The following CPNE8 variants were observed in gnomAD, a reference collection of about 807,000 sequenced individuals.
CPNE8 encodes the protein copine-8.
CPNE8 carries 45 observed loss-of-function variants against 81.5 expected under a neutral mutation model. The observed-to-expected ratio is 0.55, with a 90% CI of 0.44 to 0.71. The LOEUF is 0.71. Ranked by LOEUF, CPNE8 falls within the 30% of genes least tolerant of loss-of-function variation. CPNE8 has a pLI of 0.00. For synonymous variants in CPNE8, 252 were observed against 226.3 expected, an observed-to-expected ratio of 1.11 and a Z score of -1.02; for missense variants, 594 against 672.1, an observed-to-expected ratio of 0.88 and a Z score of 1.28.
At chr12:38,759,343 C>T (rs150118346) in intron 10 of CPNE8, among the ~76,000 whole-genome samples, 1,634 of 152,268 alleles carry the variant, frequency 0.011, 32 homozygotes, top group African/African-American at 0.036. Context: ...AAGTCCTTTA[C>T]TCAGATTGGC....
rs557074599 is a variant in CPNE8, at chr12:38,823,948, G to A, written c.407+5431C>T. Among the ~76,000 whole-genome samples the A allele has an allele frequency of 7.2e-5, 11 of 152,238 alleles. No homozygotes were observed. The South Asian group carries it at 1.2e-3, about 17-fold the overall frequency. ...ATGGGATGATCTAAAGAGAGGAGCC[G>A]ATGAGTCATAGGAAGCACAGTAAAT... On this transcript the variant is annotated intron_variant, in intron 6 of 19. Transcript: ENST00000331366.
chr12:38,793,185 C>T (rs1032238241), intron 6 of CPNE8, among the ~76,000 whole-genome samples: 1 of 142,472 alleles, frequency 7.0e-6, no homozygotes, highest in Non-Finnish European at 1.5e-5. Flanking sequence ...TGCCCACTCT[C>T]CCACTTCTAT....
intron 6 of CPNE8, among the ~76,000 whole-genome samples, chr12:38,812,471 A>T (rs974339456): frequency 6.6e-5 from 10 of 152,160 alleles, no homozygotes; most frequent in Admixed American, 4.6e-4. Flanking sequence ...GTGCCAAGGA[A>T]AAAAAGGAAA....
intron 19 of CPNE8, among the ~76,000 whole-genome samples, chr12:38,666,292 C>T (rs187947023): frequency 1.3e-5 from 2 of 152,100 alleles, no homozygotes; most frequent in African/African-American, 4.8e-5. Context: ...AGGAGTAACA[C>T]AGGTTTTAGA....
At chr12:38,710,763 T>C (rs1196069801) in intron 13 of CPNE8, among the ~76,000 whole-genome samples, 1 of 152,200 alleles carries the variant, frequency 6.6e-6, no homozygotes, top group East Asian at 1.9e-4. Flanking sequence ...CTGTAACCAG[T>C]ACAGGCAGTA....
chr12:38,667,849 G>A (rs1263903098), intron 19 of CPNE8, among the ~76,000 whole-genome samples: 1 of 151,944 alleles, frequency 6.6e-6, no homozygotes, highest in Non-Finnish European at 1.5e-5. Context: ...CCAGGCTGGA[G>A]TGCAATGGTA....
At chr12:38,738,599 A>G (rs1941007674) in intron 10 of CPNE8, among the ~76,000 whole-genome samples, 1 of 152,162 alleles carries the variant, frequency 6.6e-6, no homozygotes, top group African/African-American at 2.4e-5. Context: ...TAAAGCTGAC[A>G]GTGTACTGTA....
chr12:38,899,237 G>A (rs1944427149), intron 1 of CPNE8, among the ~76,000 whole-genome samples: 1 of 152,142 alleles, frequency 6.6e-6, no homozygotes, highest in South Asian at 2.1e-4. Flanking sequence ...TTAGGAGGTA[G>A]GGCCTTTGGG....
chr12:38,847,381 G>A (rs1409828947), intron 4 of CPNE8, among the ~76,000 whole-genome samples: 1 of 152,104 alleles, frequency 6.6e-6, no homozygotes, highest in Admixed American at 6.5e-5. Context: ...CCAAGGCCCA[G>A]AATAATGGGA....
chr12:38,761,045 A>G (rs984927819), intron 9 of CPNE8, among the ~76,000 whole-genome samples, 157 bp from the exon 10 acceptor site: 2 of 152,238 alleles, frequency 1.3e-5, no homozygotes, highest in Non-Finnish European at 1.5e-5. Context: ...TTTCATTACT[A>G]TAATCCAATT....
chr12:38,682,296 G>A (rs767741002), intron 16 of CPNE8, among the ~76,000 whole-genome samples: 7 of 152,172 alleles, frequency 4.6e-5, no homozygotes, highest in East Asian at 3.9e-4. Context: ...GGTGGCTTAC[G>A]CCTATAATCC....
At chr12:38,868,083 G>A (rs1404252227) in intron 3 of CPNE8, among the ~76,000 whole-genome samples, 2 of 151,610 alleles carry the variant, frequency 1.3e-5, no homozygotes, top group Non-Finnish European at 2.9e-5. Flanking sequence ...AATTCATATG[G>A]CTTGTTATAT....
At chr12:38,848,491 C>T (rs549475861) in intron 4 of CPNE8, 68 bp downstream of exon 4, 1 of 1,476,384 alleles carries the variant, frequency 6.8e-7, no homozygotes, top group African/African-American at 1.5e-5. Context: ...CCATAGGACC[C>T]TGCCTTACAT....
intron 13 of CPNE8, among the ~76,000 whole-genome samples, chr12:38,717,833 G>GA (rs751979568): frequency 2.0e-5 from 3 of 150,366 alleles, no homozygotes; most frequent in Non-Finnish European, 4.4e-5. Context: ...CTGGAAGTCA[G>GA]AAAAAAAAAG....
chr12:38,861,302 C>T (rs1490376633), intron 3 of CPNE8, among the ~76,000 whole-genome samples: 1 of 152,074 alleles, frequency 6.6e-6, no homozygotes, highest in East Asian at 1.9e-4. Context: ...AGTAAGTTCA[C>T]TGCCAATAGT....
At chr12:38,725,986 C>T (rs1940687438) in intron 11 of CPNE8, among the ~76,000 whole-genome samples, 1 of 152,102 alleles carries the variant, frequency 6.6e-6, no homozygotes, top group African/African-American at 2.4e-5. Flanking sequence ...TACTGTTCTA[C>T]CTCAGATCAT....
chr12:38,840,978 A>T (rs1462808804), intron 4 of CPNE8, among the ~76,000 whole-genome samples: 1 of 152,202 alleles, frequency 6.6e-6, no homozygotes, highest in Non-Finnish European at 1.5e-5. Context: ...TCTTGTGAAT[A>T]ACCTCCTACC....
chr12:38,743,163 C>T (rs1941148824), intron 10 of CPNE8, among the ~76,000 whole-genome samples: 1 of 151,794 alleles, frequency 6.6e-6, no homozygotes, highest in African/African-American at 2.4e-5. Flanking sequence ...AAAGCAAACC[C>T]GTTTATGACC....
chr12:38,893,496 T>A, intron 1 of CPNE8, among the ~76,000 whole-genome samples: 1 of 152,264 alleles, frequency 6.6e-6, no homozygotes, highest in East Asian at 1.9e-4. Flanking sequence ...GAGGCATGAA[T>A]AATCCACCCT....
Sources: allele counts gnomAD v4.1 joint callset (sites outside exome capture counted in the v4.1 genomes callset), GRCh38; gene constraint gnomAD v4.1.1; transcripts MANE v1.5; gene names NCBI Gene and HGNC (gene_info 2026-07-23, HGNC 2026-07-21).